VPS13C: variants seen among roughly 807,000 people sequenced by gnomAD.
VPS13C encodes intermembrane lipid transfer protein VPS13C.
Under a neutral mutation model 456.8 loss-of-function variants are expected in VPS13C, and 358 were observed. That is an observed-to-expected ratio of 0.78 (90% CI 0.72 to 0.86). The LOEUF is 0.86. Among genes scored for constraint, VPS13C ranks in the 40% least tolerant of loss-of-function variants. VPS13C has a pLI of 0.00. For missense variants in VPS13C, 4,818 were observed against 4,385.4 expected (o/e 1.10, Z -2.79); for synonymous variants, 1,578 against 1,486.7 (o/e 1.06, Z -1.41).
At chr15:62,006,373 C>T (rs1162458201) in intron 15 of VPS13C, among the ~76,000 whole-genome samples, 9 of 152,040 alleles carry the variant, frequency 5.9e-5, no homozygotes, top group Admixed American at 2.0e-4. Context: ...TTTGTCCTTG[C>T]GATAGTTTGC....
At chr15:61,909,582 A>G (rs555655442) in intron 64 of VPS13C, among the ~76,000 whole-genome samples, 6 of 152,258 alleles carry the variant, frequency 3.9e-5, no homozygotes, top group Non-Finnish European at 8.8e-5. Flanking sequence ...ATATATTGAT[A>G]TAGCAGCACC....
At chr15:61,954,977 T>A (rs2044937719) in intron 37 of VPS13C, among the ~76,000 whole-genome samples, 1 of 152,062 alleles carries the variant, frequency 6.6e-6, no homozygotes, top group African/African-American at 2.4e-5. Context: ...GAATGGAGTT[T>A]GATATGGTTG....
chr15:61,974,261 G>T (rs373029639), intron 25 of VPS13C, 27 bp downstream of exon 25: 10 of 1,600,214 alleles, frequency 6.2e-6, no homozygotes, highest in Middle Eastern at 1.7e-4. Flanking sequence ...TAAAAATAGG[G>T]TTATACATTT....
intron 16 of VPS13C, among the ~76,000 whole-genome samples, chr15:61,993,156 T>A (rs1191263455): frequency 6.6e-6 from 1 of 152,124 alleles, no homozygotes; most frequent in Admixed American, 6.5e-5. Flanking sequence ...TGAGACTTAA[T>A]AAACAGATGA....
chr15:62,010,657 G>A, intron 12 of VPS13C, 58 bp from the exon 13 acceptor site: 2 of 1,447,530 alleles, frequency 1.4e-6, no homozygotes, highest in South Asian at 1.6e-5. Flanking sequence ...ATAAACAAGT[G>A]TAAATAATTA....
chr15:62,020,053 CAAAAT>C (rs2047402951), intron 9 of VPS13C, among the ~76,000 whole-genome samples: 2 of 150,950 alleles, frequency 1.3e-5, no homozygotes, highest in Admixed American at 1.3e-4. Flanking sequence ...ATAAAATAAT[CAAAAT>C]AAATTAATTT....
At chr15:61,970,576 A>T (rs2045516168) in intron 27 of VPS13C, among the ~76,000 whole-genome samples, 1 of 152,142 alleles carries the variant, frequency 6.6e-6, no homozygotes, top group Non-Finnish European at 1.5e-5. Flanking sequence ...CAGGCGGATC[A>T]CTTGAGCCCG....
At chr15:61,901,522 C>A (rs1308680134) in intron 66 of VPS13C, among the ~76,000 whole-genome samples, 2 of 152,234 alleles carry the variant, frequency 1.3e-5, no homozygotes, top group African/African-American at 4.8e-5. Context: ...TGCTCATCAT[C>A]ACTGGCCATC....
At chr15:62,039,027 T>C (rs1428692312) in intron 3 of VPS13C, among the ~76,000 whole-genome samples, 1 of 152,104 alleles carries the variant, frequency 6.6e-6, no homozygotes, top group Non-Finnish European at 1.5e-5. Flanking sequence ...TTAACCTCTA[T>C]GGAAAACAGT....
In VPS13C at chr15:61,910,608, T is replaced by A. The variant is rs368017957; in HGVS notation, c.8716-303A>T. On this transcript the variant is annotated intron_variant, in intron 63 of 84. Transcript: ENST00000644861. Reference sequence around the variant, plus strand: ...AAAATTCATTTTAATTATTGAAAAATTATATTTAAAAATTATCATTTGCTT... The same window carrying A: ...AAAATTCATTTTAATTATTGAAAAAATATATTTAAAAATTATCATTTGCTT... Among the ~76,000 whole-genome samples the A allele has an allele frequency of 3.3e-5, 5 of 152,214 alleles. No homozygotes were observed. In the South Asian group the frequency reaches 6.2e-4, roughly 19 times the overall value.
intron 8 of VPS13C, 131 bp from the exon 9 acceptor site, chr15:62,020,669 A>G (rs941326166): frequency 1.2e-5 from 9 of 740,084 alleles, no homozygotes; most frequent in Non-Finnish European, 1.5e-5. Context: ...TGTGGAAAAC[A>G]CAGGGGAAGG....
chr15:61,883,515 A>C (rs985321774), intron 68 of VPS13C, among the ~76,000 whole-genome samples: 2 of 152,142 alleles, frequency 1.3e-5, no homozygotes, highest in Admixed American at 1.3e-4. Context: ...AAGAGTAACT[A>C]AACTGCATGA....
At chr15:61,869,105 TTTTC>T (rs1027888639) in intron 80 of VPS13C, among the ~76,000 whole-genome samples, 3 of 110,134 alleles carry the variant, frequency 2.7e-5, no homozygotes, top group African/African-American at 8.5e-5. Flanking sequence ...GTCTCTTTTC[TTTTC>T]TTTTTTCTTT....
chr15:61,940,153 G>A (rs997662333), intron 47 of VPS13C, among the ~76,000 whole-genome samples: 5 of 152,060 alleles, frequency 3.3e-5, no homozygotes, highest in African/African-American at 1.2e-4. Flanking sequence ...TATTCAAAAT[G>A]ATATCACCTT....
intron 74 of VPS13C, 77 bp from the exon 75 acceptor site, chr15:61,877,131 G>T: frequency 9.2e-7 from 1 of 1,086,150 alleles, no homozygotes; most frequent in Non-Finnish European, 1.3e-6. Flanking sequence ...TTGAATGACA[G>T]CTAATGCTAA....
At chr15:61,990,450 GATTCAGTTTAGCACT>G (rs1176501727) in intron 18 of VPS13C, among the ~76,000 whole-genome samples, 4 of 152,028 alleles carry the variant, frequency 2.6e-5, no homozygotes, top group African/African-American at 9.7e-5. Context: ...ATTTTTTTAA[GATTCAGTTTAGCACT>G]ATAATAAGTA....
chr15:61,958,057 T>C (rs1469031866), intron 37 of VPS13C, among the ~76,000 whole-genome samples: 3 of 152,052 alleles, frequency 2.0e-5, no homozygotes, highest in African/African-American at 7.2e-5. Flanking sequence ...ATTTTATATA[T>C]ATATATAGAC....
intron 83 of VPS13C, among the ~76,000 whole-genome samples, chr15:61,855,581 A>C (rs1893858685): frequency 6.6e-6 from 1 of 152,126 alleles, no homozygotes. Flanking sequence ...TATAGCTATT[A>C]AATTTCACAG....
intron 22 of VPS13C, among the ~76,000 whole-genome samples, chr15:61,979,845 T>G (rs1468373077): frequency 6.6e-6 from 1 of 151,780 alleles, no homozygotes; most frequent in African/African-American, 2.4e-5. Flanking sequence ...TAAAAACAAG[T>G]GTGGGATCAA....
Sources: allele counts gnomAD v4.1 joint callset (sites outside exome capture counted in the v4.1 genomes callset), GRCh38; gene constraint gnomAD v4.1.1; transcripts MANE v1.5; gene names NCBI Gene and HGNC (gene_info 2026-07-23, HGNC 2026-07-21).